Variants in VPS51 observed in about 807,000 individuals in gnomAD.
The protein encoded by VPS51 is VPS51 subunit of GARP complex.
VPS51 carries 55 observed loss-of-function variants against 65.1 expected under a neutral mutation model. That is an observed-to-expected ratio of 0.84 (90% CI 0.68 to 1.06). VPS51 has a LOEUF of 1.06. VPS51 is among the 50% of genes least tolerant of loss of function. The pLI is 0.00. For missense variants in VPS51, 943 were observed against 1,101.6 expected (o/e 0.86, Z 2.04); for synonymous variants, 473 against 489.5 (o/e 0.97, Z 0.44).
intron 1 of VPS51, 48 bp from the exon 2 acceptor site, chr11:65,096,950 G>A (rs761952156): frequency 1.2e-6 from 2 of 1,608,536 alleles, no homozygotes; most frequent in East Asian, 2.2e-5. Flanking sequence ...CAAGGCTGGG[G>A]GACATGAATG....
chr11:65,110,958 C>T lies in VPS51; in HGVS notation c.2088+177C>T. ...GTACAGAGTGCCCTGCCTCCAAATC[C>T]CACAGCCCTTGTCCCAGTCTTGGTG... On this transcript the variant is annotated intron_variant, in intron 9 of 9. Transcript: ENST00000279281. 4.1e-6 allele frequency: 3 copies of T among 728,080 alleles called. No individual in the cohort carries two copies. In the South Asian group the frequency reaches 5.2e-5, roughly 13 times the overall value. 45.1% of individuals were successfully genotyped at this position (728,080 alleles called of 1,614,324 possible).
intron 7 of VPS51, 143 bp downstream of exon 7, chr11:65,110,066 C>T: frequency 1.1e-6 from 1 of 949,400 alleles, no homozygotes; most frequent in Non-Finnish European, 1.5e-6. Flanking sequence ...GGGGCCAGTT[C>T]TGTAGCCAGG....
In VPS51 at chr11:65,109,328, G is replaced by A. The variant is rs762615661; in HGVS notation, c.1492G>A (p.Val498Ile). The change falls in exon 6 of 10, where the codon GTC (valine) becomes ATC (isoleucine). Residue 498 changes from valine (V) to isoleucine (I), a missense_variant. Coordinates refer to ENST00000279281, the MANE Select transcript of VPS51 (RefSeq NM_013265.4). The part of the protein sequence containing the change: ...GVREGLIVGF[V>I]HSMCQTAQSF... ...CCGTGAGGGCCTCATCGTGGGCTTC[G>A]TCCACTCTATGTGCCAGACGGCTCA... The A allele has an allele frequency of 2.7e-5, 44 of 1,613,484 alleles. No individual in the cohort carries two copies. The highest frequency in any genetic ancestry group is 8.8e-5 in the South Asian group (8 of 91,084).
chr11:65,108,706 A>G lies in VPS51; in HGVS notation c.1235A>G (p.Gln412Arg). ...CGCGAGCGCCTGGGCCACCACCTGCAGGGTCTCCGGGCGGCCTTCCTGGGC... is the reference window on the plus strand; with the variant it reads ...CGCGAGCGCCTGGGCCACCACCTGCGGGGTCTCCGGGCGGCCTTCCTGGGC... ...VARERLGHHLQGLRAAFLGCL... is the reference protein window; with the variant it reads ...VARERLGHHLRGLRAAFLGCL... The change falls in exon 5 of 10, where the codon CAG (glutamine) becomes CGG (arginine). Residue 412 changes from glutamine to arginine, a missense_variant. Gln to Arg is a conservative substitution (Grantham distance 43). Transcript: ENST00000279281. 1.2e-6 allele frequency: 2 copies of G among 1,604,884 alleles called. No individual in the cohort carries two copies. The highest frequency in any genetic ancestry group is 2.7e-5 in the African/African-American group (2 of 74,884).
intron 2 of VPS51, 53 bp downstream of exon 2, chr11:65,097,180 C>T (rs1947777152): frequency 2.4e-5 from 38 of 1,609,708 alleles, no homozygotes; most frequent in Middle Eastern, 3.3e-4. Flanking sequence ...CATTCTCCCA[C>T]CTGTGTTGGG....
Position 65,107,346 on chromosome 11 carries a change from C to T in VPS51, c.359-235C>T, listed in dbSNP as rs1271198640. 7.8e-6 allele frequency: 5 copies of T among 638,796 alleles called. No individual in the cohort carries two copies. Among genetic ancestry groups the T allele is most frequent in the African/African-American group, 1.8e-5 (1 of 55,854 alleles). The allele number at this position is 638,796 out of a possible 1,614,324, so 39.6% of individuals were successfully genotyped here. ...TTCTGAGGGCCGGCTCTCCTGGGCA[C>T]CAGGGTTAGGGGGTTACGGGGAGTA... On this transcript the variant is annotated intron_variant, in intron 2 of 9. Transcript: ENST00000279281. This position sits in a 1 kb window ranked among gnomAD's most constrained non-coding sequence, Gnocchi z 4.0.
At chr11:65,110,123 C>A in intron 7 of VPS51, 200 bp downstream of exon 7, 1 of 659,528 alleles carries the variant, frequency 1.5e-6, no homozygotes, top group Non-Finnish European at 2.6e-6. Context: ...AGGATGAAGA[C>A]CAAACGGGCT....
At chr11:65,106,688 T>C (rs1947843797) in intron 2 of VPS51, among the ~76,000 whole-genome samples, 2 of 151,590 alleles carry the variant, frequency 1.3e-5, no homozygotes, top group African/African-American at 4.8e-5. Flanking sequence ...GAATTGGAGT[T>C]TGCAGTGAGC....
chr11:65,110,443 T>A, intron 7 of VPS51, 39 bp from the exon 8 acceptor site: 1 of 1,613,400 alleles, frequency 6.2e-7, no homozygotes, highest in East Asian at 2.2e-5. Context: ...TGGTTTCCCC[T>A]GACTCGGGCC....
intron 2 of VPS51, among the ~76,000 whole-genome samples, chr11:65,097,489 C>G (rs1024186735): frequency 1.3e-5 from 2 of 152,108 alleles, no homozygotes; most frequent in Non-Finnish European, 2.9e-5. Flanking sequence ...TACCAAAGCA[C>G]TGGGATTACG....
chr11:65,104,389 T>G (rs1947828789), intron 2 of VPS51, among the ~76,000 whole-genome samples: 1 of 152,236 alleles, frequency 6.6e-6, no homozygotes, highest in Non-Finnish European at 1.5e-5. Flanking sequence ...TGTTTTGACT[T>G]TAATTGGAGT....
Position 65,108,923 on chromosome 11 carries a change from C to T in VPS51, c.1443+9C>T. 6.2e-7 allele frequency: 1 copy of T among 1,612,440 alleles called. No individual in the cohort carries two copies. Among genetic ancestry groups the T allele is most frequent in the East Asian group, 2.2e-5 (1 of 44,878 alleles). ...ACAAGCCCTACTTCCGGGTACGCCT[C>T]CTCTTGGGTGTTCCTTGTTCAACCT... On this transcript the variant is annotated intron_variant, in intron 5 of 9. Coordinates refer to ENST00000279281, the MANE Select transcript of VPS51 (RefSeq NM_013265.4).
rs1323977409 is a variant in VPS51, at chr11:65,108,647, A to G, written c.1176A>G (p.Ala392=). Residue 392 remains alanine (A), a synonymous_variant, in exon 5 of 10, where the codon GCA becomes GCG. Coordinates refer to ENST00000279281, the MANE Select transcript of VPS51 (RefSeq NM_013265.4). ...CCCTGCTGGCCGCTGCCGGGCTCGC[A>G]GACGCTGCCACGGAGATCGTGGAAC... ...PGALLAAAGL[A]DAATEIVERV... The G allele has an allele frequency of 5.8e-6, 9 of 1,544,822 alleles. No homozygotes were observed. Among genetic ancestry groups the G allele is most frequent in the Non-Finnish European group, 7.8e-6 (9 of 1,153,270 alleles).
At chr11:65,109,104 C>T (rs1947868532) in intron 5 of VPS51, 176 bp from the exon 6 acceptor site, 3 of 1,005,584 alleles carry the variant, frequency 3.0e-6, no homozygotes, top group South Asian at 1.6e-5. Flanking sequence ...TGGTGGGGTC[C>T]CCAGTGTTGG....
intron 5 of VPS51, 103 bp from the exon 6 acceptor site, chr11:65,109,177 C>G: frequency 7.8e-7 from 1 of 1,281,452 alleles, no homozygotes; most frequent in Non-Finnish European, 1.1e-6. Context: ...TGATGCTGTC[C>G]CTTGCAGAGG....
At chr11:65,103,240 A>C (rs1210896365) in intron 2 of VPS51, among the ~76,000 whole-genome samples, 2 of 152,200 alleles carry the variant, frequency 1.3e-5, no homozygotes, top group Admixed American at 1.3e-4. Context: ...GCAAGACCCT[A>C]TCTCAAGCAA....
rs980275565 is a variant in VPS51 at position 65,104,821 on chromosome 11, C to T, written c.359-2760C>T. ...AGTGTTTACACAGAGAATTGGAAGG[C>T]GCTGTCCTTCAAGCCGCCGCAACAC... On this transcript the variant is annotated intron_variant, in intron 2 of 9. Coordinates refer to ENST00000279281, the MANE Select transcript of VPS51 (RefSeq NM_013265.4). Among the ~76,000 whole-genome samples, 4 of 152,148 alleles carry T rather than the reference C, an allele frequency of 2.6e-5. No homozygotes were observed. In the South Asian group the frequency reaches 6.2e-4, roughly 24 times the overall value.
In VPS51 at chr11:65,107,981, C is replaced by A; in HGVS notation, c.684C>A (p.Val228=). ...SFRAIQDDCQ[V]ITARLAQQLR... ...GCGCCATCCAGGACGACTGCCAGGT[C>A]ATCACGGCCCGCCTGGCCCAGCAGC... is the stretch of plus-strand genomic sequence containing the variant. The change falls in exon 4 of 10, where the codon GTC becomes GTA. Residue 228 remains valine (V), a synonymous_variant. Transcript: ENST00000279281. The surrounding 1 kb of genome is among the most constrained non-coding windows in gnomAD (Gnocchi z 4.0). The A allele has an allele frequency of 6.4e-7, 1 of 1,559,580 alleles. No individual in the cohort carries two copies. Among genetic ancestry groups the A allele is most frequent in the Admixed American group, 1.8e-5 (1 of 55,282 alleles).
intron 2 of VPS51, among the ~76,000 whole-genome samples, chr11:65,105,926 A>G (rs1211364309): frequency 6.6e-6 from 1 of 152,228 alleles, no homozygotes; most frequent in Non-Finnish European, 1.5e-5. Flanking sequence ...GAGAAGGAGC[A>G]TGGAGTTTCC....
Sources: allele counts gnomAD v4.1 joint callset (sites outside exome capture counted in the v4.1 genomes callset), GRCh38; gene constraint gnomAD v4.1.1; non-coding constraint Gnocchi (gnomAD v3.1); transcripts MANE v1.5; gene names NCBI Gene and HGNC (gene_info 2026-07-23, HGNC 2026-07-21).